GRM4: variants seen among roughly 807,000 people sequenced by gnomAD.
GRM4 encodes the protein glutamate metabotropic receptor 4, also known as metabotropic glutamate receptor 4.
A neutral mutation model predicts 81.7 loss-of-function variants in GRM4; 28 were observed. That is an observed-to-expected ratio of 0.34 (90% CI 0.25 to 0.47). The LOEUF (loss-of-function observed/expected upper bound fraction) is 0.47, where lower values mean the gene tolerates loss of function less well. GRM4 is among the 20% of genes least tolerant of loss of function. GRM4 has a pLI of 1.00. For synonymous variants in GRM4, 488 were observed against 528.8 expected (o/e 0.92, Z 1.06); for missense variants, 948 against 1,290.0 (o/e 0.73, Z 4.06).
chr6:34,038,139 C>T (rs1186291994), intron 8 of GRM4, among the ~76,000 whole-genome samples: 6 of 152,158 alleles, frequency 3.9e-5, no homozygotes, highest in Admixed American at 1.3e-4. Flanking sequence ...GTGAGTGTTC[C>T]GGAAAACTCT....
chr6:34,110,639 C>T (rs1769335726), intron 2 of GRM4: 1 of 1,150,788 alleles, frequency 8.7e-7, no homozygotes, highest in Non-Finnish European at 1.3e-6. Context: ...ACCCCCTTAC[C>T]ATACCCCTTC....
intron 3 of GRM4, among the ~76,000 whole-genome samples, chr6:34,085,017 T>C (rs1767812972): frequency 6.6e-6 from 1 of 152,106 alleles, no homozygotes; most frequent in Admixed American, 6.5e-5. Context: ...ATGGCTCCTC[T>C]CATGCCCACC....
intron 3 of GRM4, among the ~76,000 whole-genome samples, chr6:34,065,686 G>T (rs372814537): frequency 6.6e-6 from 1 of 152,180 alleles, no homozygotes; most frequent in South Asian, 2.1e-4. Flanking sequence ...TGCCATCCCG[G>T]CCAAGCTGGT....
At chr6:34,071,283 C>G (rs1766810999) in intron 3 of GRM4, among the ~76,000 whole-genome samples, 1 of 149,196 alleles carries the variant, frequency 6.7e-6, no homozygotes, top group Non-Finnish European at 1.5e-5. Context: ...CACAGAGATA[C>G]ACACCACACA....
At chr6:34,057,047 G>C (rs187381518) in intron 5 of GRM4, among the ~76,000 whole-genome samples, 4 of 152,198 alleles carry the variant, frequency 2.6e-5, no homozygotes, top group South Asian at 2.1e-4. Flanking sequence ...TGCCCAACCC[G>C]GGGAGCACCT....
rs1018884723 is a variant in GRM4, at chr6:34,114,850, T to A, written c.519+18128A>T. ...CCATCCAGGAAGGACCCAGATTTAT[T>A]CACTCGGCAATCCTGCCCATCCCCA... On this transcript the variant is annotated intron_variant, in intron 2 of 10. Coordinates refer to ENST00000538487, the MANE Select transcript of GRM4 (RefSeq NM_000841.4). This position sits in a 1 kb window ranked among gnomAD's most constrained non-coding sequence, Gnocchi z 4.3. Among the ~76,000 whole-genome samples, 1 of 152,152 alleles carries A rather than the reference T, an allele frequency of 6.6e-6. No homozygotes were observed. Among genetic ancestry groups the A allele is most frequent in the Non-Finnish European group, 1.5e-5 (1 of 68,020 alleles).
chr6:34,100,591 A>G (rs1254739226), intron 2 of GRM4, among the ~76,000 whole-genome samples: 2 of 152,194 alleles, frequency 1.3e-5, no homozygotes. Context: ...TTTACTGAGC[A>G]CCCACTGAGT....
At chr6:34,120,896 CAA>C (rs1178668001) in intron 2 of GRM4, among the ~76,000 whole-genome samples, 3 of 152,188 alleles carry the variant, frequency 2.0e-5, no homozygotes, top group African/African-American at 7.2e-5. Flanking sequence ...GCCCAGCCTG[CAA>C]AGTTTTCTTT....
In GRM4 at chr6:34,128,448, G is replaced by T. The variant is rs557890303; in HGVS notation, c.519+4530C>A. On this transcript the variant is annotated intron_variant, in intron 2 of 10. Coordinates refer to ENST00000538487, the MANE Select transcript of GRM4 (RefSeq NM_000841.4). The stretch of plus-strand genomic sequence containing the variant: ...GGCTGGGATGCAATGGTAGGATCTC[G>T]CTGACTACAACCTCTGCCTCCCGGG... Among the ~76,000 whole-genome samples the T allele has an allele frequency of 6.4e-4, 94 of 147,466 alleles. No individual in the cohort carries two copies. In the Middle Eastern group the frequency reaches 0.018, roughly 28 times the overall value.
At chr6:34,077,097 T>C (rs1322464763) in intron 3 of GRM4, among the ~76,000 whole-genome samples, 1 of 152,094 alleles carries the variant, frequency 6.6e-6, no homozygotes, top group Non-Finnish European at 1.5e-5. Context: ...TTTCACAGTG[T>C]GGGACTGTCC....
At chr6:34,031,071 T>C (rs1764388460) in intron 9 of GRM4, among the ~76,000 whole-genome samples, 2 of 151,970 alleles carry the variant, frequency 1.3e-5, no homozygotes, top group Non-Finnish European at 2.9e-5. Flanking sequence ...CACCAGGAGG[T>C]GGTAGCAGGT....
intron 3 of GRM4, among the ~76,000 whole-genome samples, chr6:34,075,348 A>G (rs939620592): frequency 6.6e-6 from 1 of 152,208 alleles, no homozygotes; most frequent in Non-Finnish European, 1.5e-5. Flanking sequence ...CTACCACAGC[A>G]GGACCACTTT....
chr6:34,096,867 CT>C (rs1414123477), intron 2 of GRM4, among the ~76,000 whole-genome samples: 2 of 152,234 alleles, frequency 1.3e-5, no homozygotes, highest in Admixed American at 1.3e-4. Flanking sequence ...AAGACAAAAG[CT>C]GCTTCCGGAC....
rs932127630 is a variant in GRM4 at position 34,102,179 on chromosome 6, T to C, written c.520-10080A>G. 3.3e-6 allele frequency: 5 copies of C among 1,532,974 alleles called. No homozygotes were observed. The African/African-American group carries it at 6.9e-5, about 21-fold the overall frequency. The allele number at this position is 1,532,974 out of a possible 1,614,324, so 95.0% of individuals were successfully genotyped here. A position where few individuals can be genotyped will look rare whatever the true frequency, so the allele number is the denominator to read the frequency against. On this transcript the variant is annotated intron_variant, in intron 2 of 10. Coordinates refer to ENST00000538487, the MANE Select transcript of GRM4 (RefSeq NM_000841.4). ...GGTGTGCAGGGGACAGGAGCAATAATAGGTCTCCCCACTTCCTGCAAAATT... is the reference window on the plus strand; with the variant it reads ...GGTGTGCAGGGGACAGGAGCAATAACAGGTCTCCCCACTTCCTGCAAAATT...
exon 1 of GRM4, chr6:34,155,082 A>C: frequency 6.6e-7 from 1 of 1,517,098 alleles, no homozygotes; most frequent in Non-Finnish European, 8.8e-7. Context: ...TTTTCACCTG[A>C]GCAGATTCCG....
In GRM4 at chr6:34,089,880, C is replaced by G. The variant is rs911323438; in HGVS notation, c.736+2003G>C. Among the ~76,000 whole-genome samples the G allele has an allele frequency of 6.6e-6, 1 of 152,182 alleles. No homozygotes were observed. Among genetic ancestry groups the G allele is most frequent in the Non-Finnish European group, 1.5e-5 (1 of 68,032 alleles). On this transcript the variant is annotated intron_variant, in intron 3 of 10. Transcript: ENST00000538487. This position sits in a 1 kb window ranked among gnomAD's most constrained non-coding sequence, Gnocchi z 4.3. ...TGTGCCTGTGTGTCCCTGTCATACC[C>G]TAGCACTTGCACAGGGGCTGGCCCA...
chr6:34,103,612 C>T, intron 2 of GRM4: 1 of 1,535,338 alleles, frequency 6.5e-7, no homozygotes. Context: ...ACTCAGTAAC[C>T]TTGTCAACAG....
rs200202082 is a variant in GRM4, at chr6:34,058,961, C to T, written c.1027+13G>A. 278 of 1,608,778 alleles carry T rather than the reference C, an allele frequency of 1.7e-4. No individual in the cohort carries two copies. Among genetic ancestry groups the T allele is most frequent in the Non-Finnish European group, 2.2e-4 (254 of 1,178,770 alleles). ...CAGGATGGTGCCGACCACCTGCACC[C>T]GCCCAGCCTTACCTCGTACGGACAT... On this transcript the variant is annotated intron_variant, in intron 5 of 10. Coordinates refer to ENST00000538487, the MANE Select transcript of GRM4 (RefSeq NM_000841.4).
At chr6:34,031,262 C>T (rs962401849) in intron 9 of GRM4, among the ~76,000 whole-genome samples, 1 of 152,326 alleles carries the variant, frequency 6.6e-6, no homozygotes, top group African/African-American at 2.4e-5. Context: ...TCCCACCATC[C>T]CTGCTCTCCT....
Sources: allele counts gnomAD v4.1 joint callset (sites outside exome capture counted in the v4.1 genomes callset), GRCh38; gene constraint gnomAD v4.1.1; non-coding constraint Gnocchi (gnomAD v3.1); transcripts MANE v1.5; gene names NCBI Gene and HGNC (gene_info 2026-07-23, HGNC 2026-07-21).